Variants in SBF2 observed in about 807,000 individuals in gnomAD.
SBF2 encodes SET binding factor 2, also known as myotubularin-related protein 13.
In SBF2, 112 loss-of-function variants were observed where a neutral mutation model predicts 225.2. The observed-to-expected ratio is 0.50, with a 90% CI of 0.43 to 0.58. SBF2 has a LOEUF of 0.58. Among genes scored for constraint, SBF2 ranks in the 20% least tolerant of loss-of-function variants. The pLI, the probability that SBF2 is intolerant of heterozygous loss-of-function variation, is 0.00. For missense variants in SBF2, 1,996 were observed against 2,206.2 expected (o/e 0.90, Z 1.91); for synonymous variants, 763 against 773.3 (o/e 0.99, Z 0.22).
rs1158791517 is a variant in SBF2, at chr11:9,998,390, T to C, written c.862-11A>G. Reference sequence around the variant, plus strand: ...TATGATTACATCTAACTGAAAGAGATAAAAAAATTAACCTATAATTACCAA... The same window carrying C: ...TATGATTACATCTAACTGAAAGAGACAAAAAAATTAACCTATAATTACCAA... On this transcript the variant is annotated splice_polypyrimidine_tract_variant and intron_variant, in intron 8 of 39. Coordinates refer to ENST00000256190, the MANE Select transcript of SBF2 (RefSeq NM_030962.4). The C allele has an allele frequency of 4.2e-6, 6 of 1,420,852 alleles. No individual in the cohort carries two copies. Among genetic ancestry groups the C allele is most frequent in the African/African-American group, 1.4e-5 (1 of 70,984 alleles). The allele number at this position is 1,420,852 out of a possible 1,614,324, so 88.0% of individuals were successfully genotyped here.
intron 2 of SBF2, among the ~76,000 whole-genome samples, chr11:10,179,363 AAACAAAAAACAAAAACAAAAAAAC>A (rs758113198): frequency 0.1 from 15,401 of 150,530 alleles, 936 homozygotes; most frequent in Non-Finnish European, 0.11. Context: ...ATTAAAAAAC[AAACAAAAAACAAAAACAAAAAAAC>A]AAAAAAAAAC....
chr11:10,129,060 T>C (rs549786748), intron 2 of SBF2, among the ~76,000 whole-genome samples: 1 of 151,828 alleles, frequency 6.6e-6, no homozygotes, highest in African/African-American at 2.4e-5. Flanking sequence ...ATAAGAAGCA[T>C]TGAGAAAAAT....
intron 6 of SBF2, among the ~76,000 whole-genome samples, chr11:10,025,335 A>G (rs1384287547): frequency 6.6e-6 from 1 of 152,168 alleles, no homozygotes; most frequent in Non-Finnish European, 1.5e-5. Flanking sequence ...ACCCACTCCC[A>G]GGCTGTGGCC....
chr11:10,278,993 G>A (rs1963193475), intron 1 of SBF2, among the ~76,000 whole-genome samples: 1 of 151,390 alleles, frequency 6.6e-6, no homozygotes, highest in South Asian at 2.1e-4. Flanking sequence ...CAGCGCTTTG[G>A]GTGGCCGAGG....
At chr11:9,841,555 G>C (rs944296686) in intron 25 of SBF2, among the ~76,000 whole-genome samples, 1 of 148,868 alleles carries the variant, frequency 6.7e-6, no homozygotes, top group East Asian at 2.0e-4. Flanking sequence ...TTTTGAGGCA[G>C]AGTCTTGCTC....
At chr11:9,923,663 T>A (rs998432829) in intron 16 of SBF2, among the ~76,000 whole-genome samples, 1 of 152,156 alleles carries the variant, frequency 6.6e-6, no homozygotes, top group Non-Finnish European at 1.5e-5. Flanking sequence ...TCCTGGCACA[T>A]GGAGATCATG....
At chr11:10,081,501 G>A (rs1951360715) in intron 2 of SBF2, among the ~76,000 whole-genome samples, 1 of 152,162 alleles carries the variant, frequency 6.6e-6, no homozygotes, top group South Asian at 2.1e-4. Context: ...GCTCACACCT[G>A]TAATCCCAGC....
At chr11:10,108,449 T>C (rs1190531607) in intron 2 of SBF2, among the ~76,000 whole-genome samples, 1 of 152,050 alleles carries the variant, frequency 6.6e-6, no homozygotes, top group Non-Finnish European at 1.5e-5. Context: ...GTTTGGGTGC[T>C]TGTTGGAACA....
chr11:10,191,905 A>G (rs1399431429), intron 2 of SBF2, among the ~76,000 whole-genome samples: 1 of 150,564 alleles, frequency 6.6e-6, no homozygotes, highest in African/African-American at 2.5e-5. Flanking sequence ...CTAAATAGCT[A>G]TGCCAATCCA....
At chr11:10,272,020 G>A in intron 1 of SBF2, 1 of 1,018,216 alleles carries the variant, frequency 9.8e-7, no homozygotes, top group East Asian at 2.7e-5. Context: ...CTTTGTGCTT[G>A]AAGGCATTCC....
chr11:9,927,767 G>A (rs1864165544), intron 16 of SBF2, among the ~76,000 whole-genome samples: 1 of 151,996 alleles, frequency 6.6e-6, no homozygotes, highest in South Asian at 2.1e-4. Context: ...GGAATCAAAG[G>A]ACACTTTCAT....
chr11:10,191,776 T>C (rs57595438), intron 2 of SBF2, among the ~76,000 whole-genome samples: 14,476 of 152,246 alleles, frequency 0.095, 943 homozygotes, highest in East Asian at 0.28. Flanking sequence ...AGAAAATATC[T>C]ATTTACTAAG....
chr11:10,272,587 C>G (rs1183254923), intron 1 of SBF2, among the ~76,000 whole-genome samples: 2 of 152,110 alleles, frequency 1.3e-5, no homozygotes, highest in Non-Finnish European at 2.9e-5. Context: ...GCCAGGGCAA[C>G]ACGGCAAAAC....
rs941222240 is a variant in SBF2, at chr11:10,278,410, G to A, written c.55+15605C>T. Reference sequence around the variant, plus strand: ...CTGCATAACCAACCCCAAAAATTTCGAGAGCTCAGCAATAATAGGATATTA... The same window carrying A: ...CTGCATAACCAACCCCAAAAATTTCAAGAGCTCAGCAATAATAGGATATTA... On this transcript the variant is annotated intron_variant, in intron 1 of 39. Coordinates refer to ENST00000256190, the MANE Select transcript of SBF2 (RefSeq NM_030962.4). Among the ~76,000 whole-genome samples, 16 of 152,050 alleles carry A rather than the reference G, an allele frequency of 1.1e-4. No individual in the cohort carries two copies. The South Asian group carries it at 2.5e-3, about 24-fold the overall frequency.
intron 16 of SBF2, chr11:9,959,128 C>T (rs1037254901): frequency 2.5e-5 from 26 of 1,037,332 alleles, no homozygotes; most frequent in East Asian, 7.1e-5. Flanking sequence ...TTCACATACA[C>T]GATGTAAGAT....
intron 38 of SBF2, among the ~76,000 whole-genome samples, chr11:9,782,482 C>T (rs1404855098): frequency 6.6e-6 from 1 of 152,108 alleles, no homozygotes; most frequent in Admixed American, 6.5e-5. Flanking sequence ...ACTAGATCAT[C>T]TCAAATACTG....
chr11:10,261,315 G>A (rs558463611), intron 1 of SBF2, among the ~76,000 whole-genome samples: 10 of 152,240 alleles, frequency 6.6e-5, no homozygotes, highest in East Asian at 1.9e-4. Flanking sequence ...CAATCCTCCC[G>A]TCTCAACTTA....
chr11:10,024,570 T>G (rs1446122341), intron 6 of SBF2, among the ~76,000 whole-genome samples: 1 of 152,006 alleles, frequency 6.6e-6, no homozygotes, highest in African/African-American at 2.4e-5. Context: ...AAACCCCTTC[T>G]TTGTTCTCAG....
chr11:10,073,908 A>G (rs1248567655), intron 2 of SBF2, among the ~76,000 whole-genome samples: 1 of 152,210 alleles, frequency 6.6e-6, no homozygotes, highest in African/African-American at 2.4e-5. Context: ...CTTATGTTTT[A>G]GGTATGATAA....
Sources: allele counts gnomAD v4.1 joint callset (sites outside exome capture counted in the v4.1 genomes callset), GRCh38; gene constraint gnomAD v4.1.1; transcripts MANE v1.5; gene names NCBI Gene and HGNC (gene_info 2026-07-23, HGNC 2026-07-21).